Variants in KLF12 observed in about 807,000 individuals in gnomAD.
KLF12 encodes KLF transcription factor 12.
KLF12 carries 9 observed loss-of-function variants against 37.8 expected under a neutral mutation model. That is an observed-to-expected ratio of 0.24 (90% CI 0.14 to 0.42). The LOEUF is 0.42. Among genes scored for constraint, KLF12 ranks in the 10% least tolerant of loss-of-function variants. The probability of loss-of-function intolerance (pLI) is 1.00; values close to 1 mark genes in which losing one functional copy is unlikely to be tolerated. For missense variants in KLF12, 411 were observed against 516.0 expected (o/e 0.80, Z 1.97); for synonymous variants, 208 against 202.1 (o/e 1.03, Z -0.25).
At chr13:74,006,824 C>CTCA in intron 1 of KLF12, among the ~76,000 whole-genome samples, 1 of 152,192 alleles carries the variant, frequency 6.6e-6, no homozygotes, top group Admixed American at 6.5e-5. Flanking sequence ...CCTTTGCCAC[C>CTCA]TCATCTCCTT....
At chr13:73,760,660 T>C (rs1879492982) in intron 6 of KLF12, among the ~76,000 whole-genome samples, 2 of 152,146 alleles carry the variant, frequency 1.3e-5, no homozygotes, top group Admixed American at 1.3e-4. Flanking sequence ...TCCTATGTTA[T>C]CATACAAATA....
intron 2 of KLF12, among the ~76,000 whole-genome samples, chr13:73,966,933 T>C (rs1448783973): frequency 2.0e-5 from 3 of 152,136 alleles, no homozygotes; most frequent in African/African-American, 7.2e-5. Context: ...AAATGTAAAA[T>C]GACATGCATT....
the KLF12 span, among the ~76,000 whole-genome samples, chr13:74,179,841 T>C: frequency 4.5e-3 from 693 of 152,342 alleles, 2 homozygotes; most frequent in Non-Finnish European, 6.7e-3. Context: ...CAACAACCCG[T>C]ACTTTCCAAA....
At chr13:73,764,477 TAAAA>T (rs34174554) in intron 6 of KLF12, among the ~76,000 whole-genome samples, 3 of 148,486 alleles carry the variant, frequency 2.0e-5, no homozygotes, top group African/African-American at 2.5e-5. Context: ...CTCCCCAAAT[TAAAA>T]AAAAAAAAAA....
At chr13:74,216,156 TTA>T in the KLF12 span, among the ~76,000 whole-genome samples, 1 of 152,332 alleles carries the variant, frequency 6.6e-6, no homozygotes, top group Non-Finnish European at 1.5e-5. Context: ...CAAATTCTTT[TTA>T]TCTCTCCCAT....
intron 5 of KLF12, among the ~76,000 whole-genome samples, chr13:73,768,977 A>G (rs1007619508): frequency 1.3e-5 from 2 of 152,164 alleles, no homozygotes; most frequent in Admixed American, 1.3e-4. Context: ...CTTAAATAGG[A>G]AATTTTCCAT....
chr13:74,034,374 A>C (rs1039613211), intron 1 of KLF12, among the ~76,000 whole-genome samples: 1 of 152,098 alleles, frequency 6.6e-6, no homozygotes, highest in East Asian at 1.9e-4. Context: ...CGGCCCATTT[A>C]TGCATTCTCT....
the KLF12 span, among the ~76,000 whole-genome samples, chr13:74,286,999 A>C: frequency 5.1e-4 from 78 of 152,334 alleles, no homozygotes; most frequent in African/African-American, 1.5e-3. Flanking sequence ...TTTCACATAT[A>C]GCCTCTCAAA....
intron 4 of KLF12, among the ~76,000 whole-genome samples, chr13:73,826,769 C>G (rs1414324946): frequency 6.6e-6 from 1 of 151,832 alleles, no homozygotes; most frequent in Non-Finnish European, 1.5e-5. Flanking sequence ...TATCTACACA[C>G]ACACACACAC....
intron 6 of KLF12, among the ~76,000 whole-genome samples, chr13:73,719,274 C>T (rs1876045510): frequency 6.6e-6 from 1 of 152,116 alleles, no homozygotes; most frequent in Non-Finnish European, 1.5e-5. Flanking sequence ...GGATCCCCAG[C>T]ATATATCCAC....
rs374687996 is a variant in KLF12 at position 73,890,499 on chromosome 13, C to T, written c.124-44126G>A. Among the ~76,000 whole-genome samples, 15 of 152,060 alleles carry T rather than the reference C, an allele frequency of 9.9e-5. No homozygotes were observed. The South Asian group carries it at 2.1e-3, about 21-fold the overall frequency. ...GGAGTTATTTTCATATAATTTTAAA[C>T]GATAATGATTGGGGGAAATCATTTT... On this transcript the variant is annotated intron_variant, in intron 3 of 7. Coordinates refer to ENST00000377669, the MANE Select transcript of KLF12 (RefSeq NM_007249.5).
At chr13:74,152,517 C>T in the KLF12 span, among the ~76,000 whole-genome samples, 1 of 152,230 alleles carries the variant, frequency 6.6e-6, no homozygotes, top group Non-Finnish European at 1.5e-5. Context: ...AACTTACAAG[C>T]TATTTTTAAA....
the KLF12 span, among the ~76,000 whole-genome samples, chr13:74,182,402 T>G: frequency 5.3e-5 from 8 of 152,184 alleles, no homozygotes; most frequent in Non-Finnish European, 1.0e-4. Flanking sequence ...ACAAACTGAT[T>G]GCAGCATTGG....
chr13:74,051,028 AAAT>A (rs1471600177), intron 1 of KLF12, among the ~76,000 whole-genome samples: 1 of 152,184 alleles, frequency 6.6e-6, no homozygotes, highest in African/African-American at 2.4e-5. Flanking sequence ...TCAAAAACAC[AAAT>A]AACAAGTGTT....
At chr13:73,785,493 T>C (rs1881281665) in intron 5 of KLF12, among the ~76,000 whole-genome samples, 1 of 152,204 alleles carries the variant, frequency 6.6e-6, no homozygotes, top group Non-Finnish European at 1.5e-5. Flanking sequence ...AGCTTTAATC[T>C]TGCCCAATTT....
chr13:73,984,921 C>T (rs1391183489), intron 2 of KLF12, among the ~76,000 whole-genome samples: 2 of 152,194 alleles, frequency 1.3e-5, no homozygotes, highest in Admixed American at 1.3e-4. Flanking sequence ...GATATGTCCC[C>T]TCCTTTTGAA....
chr13:74,162,202 G>T, the KLF12 span, among the ~76,000 whole-genome samples: 14 of 152,286 alleles, frequency 9.2e-5, no homozygotes, highest in South Asian at 4.1e-4. Context: ...TGTAAAAGAC[G>T]TGAATGATGG....
At chr13:73,727,043 T>C (rs1170035374) in intron 6 of KLF12, among the ~76,000 whole-genome samples, 1 of 152,228 alleles carries the variant, frequency 6.6e-6, no homozygotes, top group East Asian at 1.9e-4. Flanking sequence ...ACTAATGATG[T>C]TGAGAATTTT....
At chr13:74,255,479 CA>C in the KLF12 span, among the ~76,000 whole-genome samples, 1 of 152,178 alleles carries the variant, frequency 6.6e-6, no homozygotes, top group African/African-American at 2.4e-5. Flanking sequence ...CATTTAACAG[CA>C]GGCTACTAAT....
Sources: gnomAD v4.1 joint callset for allele counts (sites outside exome capture counted in the v4.1 genomes callset) on GRCh38, gnomAD v4.1.1 for gene constraint, MANE v1.5 for transcripts, NCBI Gene and HGNC (gene_info 2026-07-23, HGNC 2026-07-21) for gene names.